NXPE2: variants seen among roughly 807,000 people sequenced by gnomAD.
The protein encoded by NXPE2 is NXPE family member 2.
In NXPE2, 34 loss-of-function variants were observed where a neutral mutation model predicts 34.4. The ratio of observed to expected loss-of-function variants is 0.99; its 90% confidence interval spans 0.75 to 1.31. NXPE2 has a LOEUF of 1.31. NXPE2 is among the 40% of genes most tolerant of loss of function. The pLI is 0.00. For missense variants in NXPE2, 649 were observed against 672.5 expected (o/e 0.97, Z 0.39); for synonymous variants, 235 against 231.3 (o/e 1.02, Z -0.15).
chr11:114,594,740 T>A, the NXPE2 span: 1 of 1,563,590 alleles, frequency 6.4e-7, no homozygotes, highest in Non-Finnish European at 8.8e-7. Flanking sequence ...TGACTTATAA[T>A]TTATCATACT....
chr11:114,800,046 C>T, the NXPE2 span, among the ~76,000 whole-genome samples: 4 of 152,118 alleles, frequency 2.6e-5, no homozygotes, highest in East Asian at 1.9e-4. Context: ...CTGTGACTTC[C>T]GGCTATTTGG....
the NXPE2 span, among the ~76,000 whole-genome samples, chr11:114,739,342 C>CTT: frequency 5.3e-4 from 19 of 36,136 alleles, no homozygotes; most frequent in African/African-American, 2.2e-3. Context: ...CTTCCTTCCC[C>CTT]CCTTCCTCTC....
At chr11:114,535,069 TA>T in the NXPE2 span, among the ~76,000 whole-genome samples, 2 of 152,174 alleles carry the variant, frequency 1.3e-5, no homozygotes, top group East Asian at 3.8e-4. Context: ...CCCATCAGAC[TA>T]ACAGCTGATC....
the NXPE2 span, among the ~76,000 whole-genome samples, chr11:114,729,621 T>C: frequency 6.6e-6 from 1 of 152,158 alleles, no homozygotes; most frequent in Non-Finnish European, 1.5e-5. Context: ...AGATAACATC[T>C]CACTGTGGTT....
the NXPE2 span, among the ~76,000 whole-genome samples, chr11:114,771,644 T>A: frequency 6.6e-6 from 1 of 152,158 alleles, no homozygotes; most frequent in Non-Finnish European, 1.5e-5. Context: ...CCTTTGCGTG[T>A]ACCTCACCCT....
chr11:114,465,672 ATAGT>A, the NXPE2 span, among the ~76,000 whole-genome samples: 1 of 152,118 alleles, frequency 6.6e-6, no homozygotes, highest in Admixed American at 6.5e-5. Flanking sequence ...TTTTATTTCC[ATAGT>A]TATTTATTTT....
the NXPE2 span, among the ~76,000 whole-genome samples, chr11:114,623,754 G>A: frequency 6.6e-6 from 1 of 152,124 alleles, no homozygotes; most frequent in Non-Finnish European, 1.5e-5. Context: ...GTTAACTGGT[G>A]GATAATACAT....
At chr11:114,736,526 A>G in the NXPE2 span, among the ~76,000 whole-genome samples, 2 of 152,206 alleles carry the variant, frequency 1.3e-5, no homozygotes, top group Non-Finnish European at 2.9e-5. Context: ...TTGTTCCCTG[A>G]ACATTGCTGT....
At chr11:114,611,193 G>A in the NXPE2 span, among the ~76,000 whole-genome samples, 1,265 of 151,380 alleles carry the variant, frequency 8.4e-3, 18 homozygotes, top group African/African-American at 0.028. Context: ...ACTGCTACCC[G>A]CTGGATAATA....
At chr11:114,533,510 A>G in the NXPE2 span, among the ~76,000 whole-genome samples, 1 of 152,228 alleles carries the variant, frequency 6.6e-6, no homozygotes, top group South Asian at 2.1e-4. Flanking sequence ...GGGAAGCACA[A>G]GCGGTCAGGG....
the NXPE2 span, among the ~76,000 whole-genome samples, chr11:114,587,393 A>T: frequency 2.0e-5 from 3 of 152,216 alleles, no homozygotes; most frequent in Non-Finnish European, 4.4e-5. Flanking sequence ...CATAATAGCA[A>T]ATTGTACAGC....
chr11:114,762,977 A>T, the NXPE2 span, among the ~76,000 whole-genome samples: 8 of 152,042 alleles, frequency 5.3e-5, no homozygotes, highest in South Asian at 4.2e-4. Context: ...GGGATGCCAC[A>T]CCAGCCTCCT....
chr11:114,542,810 A>T, the NXPE2 span, among the ~76,000 whole-genome samples: 8 of 152,142 alleles, frequency 5.3e-5, no homozygotes, highest in East Asian at 5.8e-4. Context: ...AAAAATATAA[A>T]CCTCACTAAA....
the NXPE2 span, among the ~76,000 whole-genome samples, chr11:114,554,921 A>G: frequency 6.6e-6 from 1 of 152,332 alleles, no homozygotes; most frequent in East Asian, 1.9e-4. Context: ...GGCAGGGGAT[A>G]GCAGAGCTTG....
At chr11:114,768,351 T>A in the NXPE2 span, among the ~76,000 whole-genome samples, 45 of 152,336 alleles carry the variant, frequency 3.0e-4, no homozygotes, top group African/African-American at 1.1e-3. Context: ...GCAAGATGCC[T>A]CCAGCTTTGT....
chr11:114,472,432 G>A, the NXPE2 span, among the ~76,000 whole-genome samples: 1 of 152,130 alleles, frequency 6.6e-6, no homozygotes, highest in South Asian at 2.1e-4. Context: ...TTTTAAGAAA[G>A]TTTACAAATT....
the NXPE2 span, among the ~76,000 whole-genome samples, chr11:114,624,803 G>A: frequency 6.6e-6 from 1 of 152,190 alleles, no homozygotes; most frequent in Non-Finnish European, 1.5e-5. Context: ...TTACCCGGTG[G>A]ATAGTAAGTA....
chr11:114,802,266 C>T, the NXPE2 span, among the ~76,000 whole-genome samples: 1 of 152,208 alleles, frequency 6.6e-6, no homozygotes, highest in South Asian at 2.1e-4. Context: ...TGGGTTCTCC[C>T]TCACTGTCTC....
the NXPE2 span, among the ~76,000 whole-genome samples, chr11:114,729,326 T>C: frequency 1.3e-5 from 2 of 152,084 alleles, no homozygotes; most frequent in African/African-American, 4.8e-5. Flanking sequence ...CATTGATAGG[T>C]TGATTCCATG....
Sources: gnomAD v4.1 joint callset for allele counts (sites outside exome capture counted in the v4.1 genomes callset) on GRCh38, gnomAD v4.1.1 for gene constraint, MANE v1.5 for transcripts, NCBI Gene and HGNC (gene_info 2026-07-23, HGNC 2026-07-21) for gene names.